Variants in FSTL5 observed in about 807,000 individuals in gnomAD.
The protein encoded by FSTL5 is follistatin-related protein 5.
FSTL5 carries 62 observed loss-of-function variants against 89.1 expected under a neutral mutation model. The observed-to-expected ratio is 0.70, with a 90% confidence interval of 0.57 to 0.86. The LOEUF (loss-of-function observed/expected upper bound fraction) is 0.86. Among genes scored for constraint, FSTL5 ranks in the 40% least tolerant of loss-of-function variants. The pLI is 0.00. For missense variants in FSTL5, 1,057 were observed against 1,001.6 expected (o/e 1.06, Z -0.75); for synonymous variants, 383 against 346.2 (o/e 1.11, Z -1.18).
chr4:161,880,350 A>G (rs543578769), intron 4 of FSTL5, among the ~76,000 whole-genome samples: 154 of 152,222 alleles, frequency 1.0e-3, no homozygotes, highest in Middle Eastern at 3.4e-3. Context: ...ACACTCAGAA[A>G]CCATAATTAT....
intron 8 of FSTL5, among the ~76,000 whole-genome samples, chr4:161,547,154 C>G (rs1698419392): frequency 6.6e-6 from 1 of 151,996 alleles, no homozygotes; most frequent in African/African-American, 2.4e-5. Context: ...GGCCTCCTGC[C>G]AATAGCCACG....
chr4:161,638,306 A>G (rs1337071786), intron 7 of FSTL5, among the ~76,000 whole-genome samples: 2 of 151,684 alleles, frequency 1.3e-5, no homozygotes, highest in Non-Finnish European at 2.9e-5. Flanking sequence ...ATTTTTGTAC[A>G]TTGATTTTGT....
intron 12 of FSTL5, chr4:161,495,535 T>A (rs1005730141): frequency 6.6e-6 from 1 of 152,090 alleles, no homozygotes; most frequent in South Asian, 2.1e-4. Context: ...CAAGATGGAA[T>A]AAAAGATGAA....
chr4:161,915,764 A>G (rs1733821002), intron 4 of FSTL5, among the ~76,000 whole-genome samples: 1 of 128,580 alleles, frequency 7.8e-6, no homozygotes, highest in South Asian at 2.6e-4. Context: ...TCTAATACTG[A>G]CAACAAAAAC....
chr4:162,068,890 AAC>A (rs1481064273), intron 2 of FSTL5, among the ~76,000 whole-genome samples: 1 of 152,168 alleles, frequency 6.6e-6, no homozygotes, highest in Non-Finnish European at 1.5e-5. Context: ...AAAAGCCATG[AAC>A]ACACACTTTT....
At chr4:162,040,628 A>G (rs1414339302) in intron 2 of FSTL5, among the ~76,000 whole-genome samples, 1 of 152,092 alleles carries the variant, frequency 6.6e-6, no homozygotes, top group African/African-American at 2.4e-5. Flanking sequence ...TCAAACTTGG[A>G]GTCATACATA....
At chr4:161,798,999 C>T (rs553082911) in intron 4 of FSTL5, among the ~76,000 whole-genome samples, 2 of 151,352 alleles carry the variant, frequency 1.3e-5, no homozygotes, top group Non-Finnish European at 3.0e-5. Flanking sequence ...AAAGGTAAAC[C>T]CTATATTAGG....
chr4:161,487,704 T>C (rs763734682), intron 12 of FSTL5, among the ~76,000 whole-genome samples: 1 of 152,126 alleles, frequency 6.6e-6, no homozygotes, highest in African/African-American at 2.4e-5. Flanking sequence ...AGTATTTCTT[T>C]CTTTTAAGTA....
intron 8 of FSTL5, among the ~76,000 whole-genome samples, chr4:161,581,876 G>A (rs1019634720): frequency 1.3e-5 from 2 of 152,212 alleles, no homozygotes; most frequent in East Asian, 1.9e-4. Flanking sequence ...CCAGAGGGGC[G>A]TGTAAACAAT....
chr4:161,841,668 G>T (rs148355352), intron 4 of FSTL5, among the ~76,000 whole-genome samples: 1 of 152,124 alleles, frequency 6.6e-6, no homozygotes, highest in South Asian at 2.1e-4. Flanking sequence ...TATAAAAATC[G>T]TTGGTAGTAT....
intron 1 of FSTL5, among the ~76,000 whole-genome samples, chr4:162,153,745 A>ATATGTATATATGTATATATGT (rs375756150): frequency 6.4e-5 from 7 of 109,856 alleles, no homozygotes; most frequent in African/African-American, 9.7e-5. Flanking sequence ...TGTATATAAT[A>ATATGTATATATGTATATATGT]ATATACATGT....
At chr4:161,882,423 G>C (rs780812822) in intron 4 of FSTL5, among the ~76,000 whole-genome samples, 1 of 152,066 alleles carries the variant, frequency 6.6e-6, no homozygotes, top group Non-Finnish European at 1.5e-5. Flanking sequence ...AAGCAAAATT[G>C]TATCACTTGG....
At chr4:161,467,066 T>A (rs1170978387) in intron 13 of FSTL5, among the ~76,000 whole-genome samples, 1 of 152,040 alleles carries the variant, frequency 6.6e-6, no homozygotes, top group Non-Finnish European at 1.5e-5. Context: ...GGGGATCAGT[T>A]GGACTGGACT....
intron 7 of FSTL5, among the ~76,000 whole-genome samples, chr4:161,617,881 G>A (rs1734955217): frequency 6.6e-6 from 1 of 152,126 alleles, no homozygotes; most frequent in African/African-American, 2.4e-5. Context: ...ATGCTTAATG[G>A]GGATGGCACT....
At chr4:162,111,778 T>A (rs931650539) in intron 1 of FSTL5, among the ~76,000 whole-genome samples, 5 of 152,232 alleles carry the variant, frequency 3.3e-5, no homozygotes, top group African/African-American at 7.2e-5. Context: ...AATATATAAA[T>A]ATTGAACTTT....
intron 1 of FSTL5, among the ~76,000 whole-genome samples, chr4:162,152,531 C>T (rs1225654228): frequency 2.0e-5 from 3 of 151,998 alleles, no homozygotes; most frequent in Non-Finnish European, 2.9e-5. Flanking sequence ...CATGATGTCA[C>T]ACTATTTGAA....
At chr4:161,885,581 G>A (rs1425735616) in intron 4 of FSTL5, among the ~76,000 whole-genome samples, 2 of 152,088 alleles carry the variant, frequency 1.3e-5, no homozygotes, top group Non-Finnish European at 2.9e-5. Flanking sequence ...GAGTAGCTGA[G>A]ACTACAGACA....
At chr4:161,892,694 A>G (rs1733027073) in intron 4 of FSTL5, among the ~76,000 whole-genome samples, 1 of 152,104 alleles carries the variant, frequency 6.6e-6, no homozygotes, top group South Asian at 2.1e-4. Flanking sequence ...TAACTTTTCC[A>G]AATGTAAAAT....
chr4:162,117,076 C>T (rs1202572800), intron 1 of FSTL5, among the ~76,000 whole-genome samples: 4 of 152,258 alleles, frequency 2.6e-5, no homozygotes, highest in Middle Eastern at 3.4e-3. Flanking sequence ...TCTTACATTC[C>T]ACAGACTTCT....
Sources: allele counts gnomAD v4.1 joint callset (sites outside exome capture counted in the v4.1 genomes callset), GRCh38; gene constraint gnomAD v4.1.1; transcripts MANE v1.5; gene names NCBI Gene and HGNC (gene_info 2026-07-23, HGNC 2026-07-21).